Variants in GLIS3 observed in about 807,000 individuals in gnomAD.
GLIS3 encodes zinc finger protein GLIS3.
In GLIS3, 53 loss-of-function variants were observed where a neutral mutation model predicts 78.6. That is an observed-to-expected ratio of 0.67 (90% CI 0.54 to 0.85). GLIS3 has a LOEUF of 0.85. Ranked by LOEUF, GLIS3 falls within the 40% of genes least tolerant of loss-of-function variation. GLIS3 has a pLI of 0.00. For synonymous variants in GLIS3, 684 were observed against 509.9 expected, an observed-to-expected ratio of 1.34 and a Z score of -4.60; for missense variants, 1,703 against 1,231.1, an observed-to-expected ratio of 1.38 and a Z score of -5.74.
intron 2 of GLIS3, among the ~76,000 whole-genome samples, chr9:4,250,879 C>G (rs1437428576): frequency 2.0e-5 from 3 of 152,166 alleles, no homozygotes; most frequent in Non-Finnish European, 4.4e-5. Flanking sequence ...ACCCAGTAGT[C>G]ATTCAGGAGC....
At chr9:3,860,293 A>AC (rs1563785766) in intron 8 of GLIS3, among the ~76,000 whole-genome samples, 2 of 149,028 alleles carry the variant, frequency 1.3e-5, no homozygotes, top group African/African-American at 5.0e-5. Context: ...AAAAAAAAAA[A>AC]AAAAAAAAAA....
chr9:4,350,440 C>A (rs1399552482), upstream of GLIS3, among the ~76,000 whole-genome samples: 2 of 152,280 alleles, frequency 1.3e-5, no homozygotes, highest in South Asian at 2.1e-4. Context: ...CAAATGGAAT[C>A]AAGTAATAGA....
At chr9:3,893,497 G>A (rs1473555627) in intron 7 of GLIS3, among the ~76,000 whole-genome samples, 1 of 152,144 alleles carries the variant, frequency 6.6e-6, no homozygotes, top group Non-Finnish European at 1.5e-5. Flanking sequence ...TATGAGCAGT[G>A]TCATTATAAC....
Position 3,824,844 on chromosome 9 carries a change from G to A in GLIS3, c.*3428C>T, listed in dbSNP as rs1817640192. On this transcript the variant is annotated 3_prime_UTR_variant, in exon 11 of 11. Coordinates refer to ENST00000381971, the MANE Select transcript of GLIS3 (RefSeq NM_001042413.2). ...GCAACATTACACAGGATACTTTGCT[G>A]TCTGTACAAAATAAATCTCTTTTTA... The A allele has an allele frequency of 6.8e-6, 1 of 146,326 alleles. No individual in the cohort carries two copies. Among genetic ancestry groups the A allele is most frequent in the Non-Finnish European group, 1.5e-5 (1 of 67,314 alleles). The allele number at this position is 146,326 out of a possible 1,614,324, so 9.1% of individuals were successfully genotyped here.
At chr9:3,835,762 C>CT (rs1818313236) in intron 9 of GLIS3, among the ~76,000 whole-genome samples, 1 of 152,210 alleles carries the variant, frequency 6.6e-6, no homozygotes, top group African/African-American at 2.4e-5. Context: ...GTTACTTTTA[C>CT]TTTTTTCTTT....
the GLIS3 span, among the ~76,000 whole-genome samples, chr9:4,428,881 C>T: frequency 6.6e-6 from 1 of 152,166 alleles, no homozygotes; most frequent in Non-Finnish European, 1.5e-5. Context: ...GGCACCACTT[C>T]CCATTAAGGC....
At chr9:4,391,714 G>A in the GLIS3 span, among the ~76,000 whole-genome samples, 1 of 152,150 alleles carries the variant, frequency 6.6e-6, no homozygotes, top group Admixed American at 6.5e-5. Context: ...ACTGTCAATA[G>A]GGATTTGGTA....
At chr9:4,116,424 C>A (rs962708392) in intron 4 of GLIS3, among the ~76,000 whole-genome samples, 70 of 152,214 alleles carry the variant, frequency 4.6e-4, no homozygotes, top group African/African-American at 1.6e-3. Context: ...GGCATTCTCG[C>A]AATGTATCAG....
At position 4,134,248 on chromosome 9, in the gene GLIS3, A is replaced by G. The variant is rs560760767; in HGVS notation, c.389-8307T>C. Among the ~76,000 whole-genome samples, 7 of 152,314 alleles carry G rather than the reference A, an allele frequency of 4.6e-5. No individual in the cohort carries two copies. In the East Asian group the frequency reaches 1.3e-3, roughly 29 times the overall value. On this transcript the variant is annotated intron_variant, in intron 2 of 10. Transcript: ENST00000381971. ...ATCACTTGCAATTGAAGTTTTTGCA[A>G]CTTTGAGGCTCAAAGTTTCCCATTA...
the GLIS3 span, among the ~76,000 whole-genome samples, chr9:4,446,400 C>G: frequency 6.6e-6 from 1 of 152,086 alleles, no homozygotes; most frequent in Non-Finnish European, 1.5e-5. Context: ...ACTTCCCAGT[C>G]TCCAGAAACA....
intron 4 of GLIS3, among the ~76,000 whole-genome samples, chr9:4,056,413 G>A (rs1826159977): frequency 6.6e-6 from 1 of 152,218 alleles, no homozygotes; most frequent in Middle Eastern, 3.4e-3. Flanking sequence ...CTGCTCACAG[G>A]GTTTCCTTTA....
rs145201065 is a variant in GLIS3 at position 4,069,703 on chromosome 9, A to G, written c.1710+48065T>C. Among the ~76,000 whole-genome samples the G allele has an allele frequency of 4.5e-4, 68 of 152,276 alleles. 1 individual carries two copies. The highest frequency in any genetic ancestry group is 1.6e-3 in the African/African-American group (66 of 41,562). On this transcript the variant is annotated intron_variant, in intron 4 of 10. Transcript: ENST00000381971. ...GAGGTGCTTTTTTGGTCTACAGTGC[A>G]TACTTACAGGGAAATTAAGCCATTA...
chr9:4,388,272 T>C, the GLIS3 span, among the ~76,000 whole-genome samples: 3 of 152,124 alleles, frequency 2.0e-5, no homozygotes, highest in Admixed American at 6.5e-5. Context: ...TTCATGATAA[T>C]AGAAGTAAGT....
At chr9:4,465,417 C>A in the GLIS3 span, among the ~76,000 whole-genome samples, 1 of 152,146 alleles carries the variant, frequency 6.6e-6, no homozygotes, top group East Asian at 1.9e-4. Context: ...TGCATGGTGA[C>A]ACGCAACTGT....
chr9:3,952,864 G>A (rs746581819), intron 4 of GLIS3, among the ~76,000 whole-genome samples: 84 of 152,308 alleles, frequency 5.5e-4, no homozygotes, highest in Non-Finnish European at 1.1e-3. Context: ...AACCGATGCT[G>A]ATGCAGCTGG....
chr9:4,132,050 T>TAA (rs78624459), intron 2 of GLIS3, among the ~76,000 whole-genome samples: 7 of 134,456 alleles, frequency 5.2e-5, no homozygotes, highest in Admixed American at 3.0e-4. Flanking sequence ...ATGTTTTTTT[T>TAA]AAAAAAAAAA....
chr9:4,312,014 G>C (rs1817368429), intron 2 of GLIS3, among the ~76,000 whole-genome samples: 1 of 152,166 alleles, frequency 6.6e-6, no homozygotes, highest in African/African-American at 2.4e-5. Context: ...AAGAGGAGCA[G>C]AGAAAAATAA....
chr9:4,202,728 CTATTAAA>C (rs1819519107), intron 2 of GLIS3, among the ~76,000 whole-genome samples: 1 of 152,070 alleles, frequency 6.6e-6, no homozygotes, highest in Non-Finnish European at 1.5e-5. Context: ...AAAGGAATCC[CTATTAAA>C]TAAATGATAC....
chr9:4,397,128 C>G, the GLIS3 span, among the ~76,000 whole-genome samples: 1 of 141,024 alleles, frequency 7.1e-6, no homozygotes, highest in Non-Finnish European at 1.5e-5. Flanking sequence ...TGGGTTCACG[C>G]CATTCTCCTG....
Sources: gnomAD v4.1 joint callset for allele counts (sites outside exome capture counted in the v4.1 genomes callset) on GRCh38, gnomAD v4.1.1 for gene constraint, MANE v1.5 for transcripts, NCBI Gene and HGNC (gene_info 2026-07-23, HGNC 2026-07-21) for gene names.